GAS2: variants seen among roughly 807,000 people sequenced by gnomAD.
GAS2 encodes the protein growth arrest-specific protein 2.
GAS2 carries 20 observed loss-of-function variants against 37.5 expected under a neutral mutation model. That is an observed-to-expected ratio of 0.53 (90% CI 0.37 to 0.77). GAS2 has a LOEUF of 0.77. GAS2 is among the 30% of genes least tolerant of loss of function. The probability of loss-of-function intolerance (pLI) is 0.00; values close to 1 mark genes in which losing one functional copy is unlikely to be tolerated. For missense variants in GAS2, 336 were observed against 373.4 expected (o/e 0.90, Z 0.82); for synonymous variants, 144 against 132.2 (o/e 1.09, Z -0.61).
At chr11:22,637,129 A>ATTAATATTATATCAATATATTACTTATG (rs1565060458) in intron 1 of GAS2, among the ~76,000 whole-genome samples, 7 of 125,268 alleles carry the variant, frequency 5.6e-5, no homozygotes, top group East Asian at 2.4e-4. Flanking sequence ...TATTACTTAT[A>ATTAATATTATATCAATATATTACTTATG]TTAATATTAT....
At chr11:22,649,921 G>A (rs2133829632) in intron 1 of GAS2, among the ~76,000 whole-genome samples, 1 of 152,034 alleles carries the variant, frequency 6.6e-6, no homozygotes, top group South Asian at 2.1e-4. Flanking sequence ...ATTTCCTTCA[G>A]TTCTGCTCTG....
chr11:22,804,214 CA>C (rs1053377177), intron 7 of GAS2, among the ~76,000 whole-genome samples: 10 of 152,012 alleles, frequency 6.6e-5, no homozygotes, highest in Non-Finnish European at 1.5e-4. Context: ...GTCAGAAAAG[CA>C]GTAGACAAAG....
chr11:22,687,859 T>G (rs1335477135), intron 3 of GAS2, among the ~76,000 whole-genome samples: 1 of 152,206 alleles, frequency 6.6e-6, no homozygotes, highest in Non-Finnish European at 1.5e-5. Context: ...ACCTTCACAT[T>G]ACGAAGTTCC....
At chr11:22,675,461 ATTC>A (rs1490671455) in intron 2 of GAS2, among the ~76,000 whole-genome samples, 1 of 152,148 alleles carries the variant, frequency 6.6e-6, no homozygotes, top group Non-Finnish European at 1.5e-5. Flanking sequence ...AAAATCATGT[ATTC>A]TTTTTCCAAA....
At chr11:22,792,697 G>A (rs1856227944) in intron 7 of GAS2, among the ~76,000 whole-genome samples, 1 of 152,210 alleles carries the variant, frequency 6.6e-6, no homozygotes, top group South Asian at 2.1e-4. Context: ...AGACCTCTGG[G>A]TGGCCCCATG....
At chr11:22,739,834 TG>T (rs911344257) in intron 5 of GAS2, among the ~76,000 whole-genome samples, 2 of 152,044 alleles carry the variant, frequency 1.3e-5, no homozygotes, top group African/African-American at 2.4e-5. Context: ...ATAAGCCTCT[TG>T]CTTCTGAAAG....
At chr11:22,661,468 C>A (rs1848915409) in intron 1 of GAS2, among the ~76,000 whole-genome samples, 1 of 152,098 alleles carries the variant, frequency 6.6e-6, no homozygotes, top group Admixed American at 6.6e-5. Flanking sequence ...GATGCATAAA[C>A]AAATAACTGT....
intron 7 of GAS2, among the ~76,000 whole-genome samples, chr11:22,767,554 T>G (rs1311575584): frequency 2.9e-5 from 2 of 70,136 alleles, no homozygotes; most frequent in South Asian, 7.6e-4. Context: ...TGTGAATGAT[T>G]TTTTTTGCAA....
At chr11:22,759,313 G>C (rs1025898269) in intron 7 of GAS2, among the ~76,000 whole-genome samples, 1 of 152,122 alleles carries the variant, frequency 6.6e-6, no homozygotes, top group Non-Finnish European at 1.5e-5. Context: ...TGTATTAATA[G>C]AGGCATCTAT....
At chr11:22,650,474 G>A (rs1206365811) in intron 1 of GAS2, among the ~76,000 whole-genome samples, 1 of 151,774 alleles carries the variant, frequency 6.6e-6, no homozygotes, top group Non-Finnish European at 1.5e-5. Flanking sequence ...GTGTATCCTT[G>A]TTGACTTTCT....
At chr11:22,803,916 G>A (rs1405899144) in intron 7 of GAS2, among the ~76,000 whole-genome samples, 1 of 151,990 alleles carries the variant, frequency 6.6e-6, no homozygotes, top group Admixed American at 6.6e-5. Flanking sequence ...CACTTATCTG[G>A]GGAAGGAGAT....
At chr11:22,755,728 A>G (rs1032497917) in intron 6 of GAS2, 118 bp from the exon 7 acceptor site, 2 of 643,188 alleles carry the variant, frequency 3.1e-6, no homozygotes, top group Non-Finnish European at 2.7e-6. Flanking sequence ...CATGATGTCC[A>G]TAGATAAATA....
intron 1 of GAS2, among the ~76,000 whole-genome samples, chr11:22,658,768 A>G (rs1426101935): frequency 6.6e-6 from 1 of 152,080 alleles, no homozygotes; most frequent in Non-Finnish European, 1.5e-5. Context: ...GAAAAGAATA[A>G]CCACTCGAAA....
intron 3 of GAS2, among the ~76,000 whole-genome samples, chr11:22,704,262 T>G (rs556367896): frequency 6.6e-6 from 1 of 152,128 alleles, no homozygotes; most frequent in African/African-American, 2.4e-5. Flanking sequence ...CTCATGCTAT[T>G]TTTAAATAAA....
chr11:22,785,938 C>T (rs1172583412), intron 7 of GAS2, among the ~76,000 whole-genome samples: 3 of 152,088 alleles, frequency 2.0e-5, no homozygotes, highest in Admixed American at 6.6e-5. Flanking sequence ...ATGTAGTTAT[C>T]TGAAACAGTT....
Position 22,674,995 on chromosome 11 carries a change from G to A in GAS2, c.126G>A (p.Leu42=), listed in dbSNP as rs1021489152. 1 of 1,613,698 alleles carries A rather than the reference G, an allele frequency of 6.2e-7. No individual in the cohort carries two copies. Among genetic ancestry groups the A allele is most frequent in the African/African-American group, 1.3e-5 (1 of 75,020 alleles). The part of the protein sequence containing the change: ...NLLPMKEDLA[L]WLTNLLGKEI... Reference sequence around the variant, plus strand: ...TACCAATGAAAGAAGATCTGGCCTTGTGGTTAACCAATCTATTAGGTAAGG... The same window carrying A: ...TACCAATGAAAGAAGATCTGGCCTTATGGTTAACCAATCTATTAGGTAAGG... The change falls in exon 2 of 8, where the codon TTG becomes TTA. Residue 42 remains leucine, a synonymous_variant. Transcript: ENST00000454584.
intron 7 of GAS2, among the ~76,000 whole-genome samples, chr11:22,799,786 T>C (rs1356826220): frequency 6.6e-6 from 1 of 152,112 alleles, no homozygotes; most frequent in East Asian, 1.9e-4. Context: ...GTTTTGTTCA[T>C]CCAGTCGTTT....
intron 1 of GAS2, among the ~76,000 whole-genome samples, chr11:22,653,080 C>G (rs931855877): frequency 4.9e-5 from 5 of 102,418 alleles, no homozygotes; most frequent in African/African-American, 1.6e-4. Context: ...CTTTCTCTCT[C>G]TCTCCTTCCT....
At chr11:22,691,601 G>A (rs1306641023) in intron 3 of GAS2, among the ~76,000 whole-genome samples, 1 of 152,054 alleles carries the variant, frequency 6.6e-6, no homozygotes, top group Non-Finnish European at 1.5e-5. Flanking sequence ...AAAATTTATT[G>A]TTCTAAATTG....
Sources: gnomAD v4.1 joint callset for allele counts (sites outside exome capture counted in the v4.1 genomes callset) on GRCh38, gnomAD v4.1.1 for gene constraint, MANE v1.5 for transcripts, NCBI Gene and HGNC (gene_info 2026-07-23, HGNC 2026-07-21) for gene names.